The following STXBP3 variants were observed in gnomAD, a reference collection of about 807,000 sequenced individuals.
STXBP3 encodes the protein syntaxin binding protein 3, also known as syntaxin-binding protein 3.
A neutral mutation model predicts 85.7 loss-of-function variants in STXBP3; 41 were observed. The observed-to-expected ratio is 0.48, with a 90% CI of 0.37 to 0.62. The LOEUF (loss-of-function observed/expected upper bound fraction) is 0.62, where lower values mean the gene tolerates loss of function less well. Ranked by LOEUF, STXBP3 falls within the 20% of genes least tolerant of loss-of-function variation. The pLI is 0.00. For missense variants in STXBP3, 563 were observed against 703.1 expected (o/e 0.80, Z 2.25); for synonymous variants, 229 against 231.7 (o/e 0.99, Z 0.10).
At chr1:108,752,957 A>G in intron 2 of STXBP3, 106 bp from the exon 3 acceptor site, 2 of 771,936 alleles carry the variant, frequency 2.6e-6, no homozygotes, top group Non-Finnish European at 3.9e-6. Context: ...TACTGTTCTG[A>G]TATTTTGTGT....
At chr1:108,807,113 A>C (rs546958406) in intron 17 of STXBP3, among the ~76,000 whole-genome samples, 4 of 152,062 alleles carry the variant, frequency 2.6e-5, no homozygotes, top group Admixed American at 6.6e-5. Flanking sequence ...TTAGCTGGGC[A>C]TGGTGGCACA....
intron 11 of STXBP3, among the ~76,000 whole-genome samples, chr1:108,785,478 A>C (rs1662805569): frequency 6.6e-6 from 1 of 152,178 alleles, no homozygotes; most frequent in South Asian, 2.1e-4. Context: ...AGCCTGACCC[A>C]CGAAACCATT....
chr1:108,774,640 C>CTTTTTTTT (rs11290690), intron 7 of STXBP3, among the ~76,000 whole-genome samples: 1 of 92,628 alleles, frequency 1.1e-5, no homozygotes, highest in Non-Finnish European at 2.1e-5. Flanking sequence ...TCTTTCTTTC[C>CTTTTTTTT]TTTTTTTTTT....
chr1:108,792,787 A>G (rs1663004769), intron 11 of STXBP3, among the ~76,000 whole-genome samples: 1 of 152,214 alleles, frequency 6.6e-6, no homozygotes, highest in Non-Finnish European at 1.5e-5. Context: ...TTGCTGAGGA[A>G]TAATCGTGAT....
In STXBP3 at chr1:108,807,471, A is replaced by G; in HGVS notation, c.1606A>G (p.Ile536Val). The G allele has an allele frequency of 3.1e-6, 5 of 1,613,638 alleles. No individual in the cohort carries two copies. The highest frequency in any genetic ancestry group is 4.2e-6 in the Non-Finnish European group (5 of 1,179,902). Residue 536 changes from isoleucine to valine, a missense_variant, in exon 18 of 19, where the codon ATT becomes GTT. Physicochemically the swap from Ile to Val is conservative, Grantham distance 29. Around this residue, in one of 3 missense-constraint regions of STXBP3, gnomAD observed 494 missense variants for 592.8 expected, o/e 0.83. Coordinates refer to ENST00000370008, the MANE Select transcript of STXBP3 (RefSeq NM_007269.4). Reference protein sequence around the residue: ...KNGSKLIVFVIGGITYSEVRC... With the variant: ...KNGSKLIVFVVGGITYSEVRC... ...TGGGTCAAAGCTGATTGTTTTTGTA[A>G]TTGGAGGGATCACATACTCTGAAGT...
intron 11 of STXBP3, among the ~76,000 whole-genome samples, chr1:108,784,879 C>T (rs535963056): frequency 7.2e-5 from 11 of 152,338 alleles, no homozygotes; most frequent in African/African-American, 2.6e-4. Context: ...TCCAATAGGG[C>T]AGTCATTAAA....
At position 108,760,014 on chromosome 1, in the gene STXBP3, A is replaced by T; in HGVS notation, c.367A>T (p.Lys123Ter). 1 of 1,578,504 alleles carries T rather than the reference A, an allele frequency of 6.3e-7. No homozygotes were observed. The highest frequency in any genetic ancestry group is 1.2e-5 in the South Asian group (1 of 83,516). Residue 123 changes from lysine (K) to a stop codon, truncating the protein, a stop_gained, in exon 6 of 19, where the codon AAG becomes TAG. Coordinates refer to ENST00000370008, the MANE Select transcript of STXBP3 (RefSeq NM_007269.4). LOFTEE classifies it high-confidence loss of function. Reference sequence around the variant, plus strand: ...CCCTGATAATCTCTTTAACAAAATTAAGGCTTCTTGCTCCAAGTCAATAAG... The same window carrying T: ...CCCTGATAATCTCTTTAACAAAATTTAGGCTTCTTGCTCCAAGTCAATAAG... Reference protein sequence around the residue: ...FCPDNLFNKIKASCSKSIRRC... With the variant: ...FCPDNLFNKI
At chr1:108,797,231 G>A (rs1327393772) in intron 15 of STXBP3, among the ~76,000 whole-genome samples, 1 of 150,388 alleles carries the variant, frequency 6.6e-6, no homozygotes, top group African/African-American at 2.4e-5. Flanking sequence ...GTGTGTACCT[G>A]TAGTCCCAGC....
rs144454692 is a variant in STXBP3 at position 108,807,606 on chromosome 1, C to T, written c.1684+57C>T. ...TTTTTTTTTTTTTGAGACTAAGTCT[C>T]GGTCTTGTCCCCCAGGCTGGAGTGG... On this transcript the variant is annotated intron_variant, in intron 18 of 18. Transcript: ENST00000370008. 259 of 1,502,814 alleles carry T rather than the reference C, an allele frequency of 1.7e-4. 1 individual carries two copies. The African/African-American group carries it at 3.4e-3, about 20-fold the overall frequency. The allele number at this position is 1,502,814 out of a possible 1,614,324, so 93.1% of individuals were successfully genotyped here.
intron 6 of STXBP3, among the ~76,000 whole-genome samples, chr1:108,765,652 G>A (rs1162012921): frequency 1.6e-5 from 2 of 123,886 alleles, no homozygotes; most frequent in Non-Finnish European, 3.2e-5. Flanking sequence ...TCGTTTCACT[G>A]CAACCTCCAC....
intron 6 of STXBP3, among the ~76,000 whole-genome samples, chr1:108,761,485 A>G (rs912647184): frequency 6.6e-6 from 1 of 152,202 alleles, no homozygotes; most frequent in Non-Finnish European, 1.5e-5. Flanking sequence ...ATTTGAAGGA[A>G]TGATTTGTGT....
rs1408260633 is a variant in STXBP3 at position 108,756,610 on chromosome 1, A to ATTTTCATATTATTAT, written c.182-80_182-79insTTTTCATATTATTAT. On this transcript the variant is annotated intron_variant, in intron 3 of 18. Transcript: ENST00000370008. ...TGTATTTTCATATTATTATAAATGGAAAGTACAGTAAAGTTTATTTAAAAA... is the reference window on the plus strand; with the variant it reads ...TGTATTTTCATATTATTATAAATGGATTTTCATATTATTATAAGTACAGTAAAGTTTATTTAAAAA... The ATTTTCATATTATTAT allele has an allele frequency of 3.0e-5, 21 of 697,150 alleles. No individual in the cohort carries two copies. In the East Asian group the frequency reaches 5.1e-4, roughly 17 times the overall value. 43.2% of individuals were successfully genotyped at this position (697,150 alleles called of 1,614,324 possible).
At chr1:108,782,808 C>G in intron 11 of STXBP3, 102 bp downstream of exon 11, 1 of 1,127,520 alleles carries the variant, frequency 8.9e-7, no homozygotes. Flanking sequence ...TTGGAAAGTT[C>G]TAACATGGAG....
chr1:108,778,551 G>A (rs1373956623), intron 8 of STXBP3, among the ~76,000 whole-genome samples: 9 of 152,074 alleles, frequency 5.9e-5, no homozygotes, highest in Admixed American at 3.9e-4. Flanking sequence ...ATTTCAGACC[G>A]CAATGCCCTC....
At chr1:108,774,260 A>T (rs1662538753) in intron 7 of STXBP3, among the ~76,000 whole-genome samples, 1 of 152,206 alleles carries the variant, frequency 6.6e-6, no homozygotes. Flanking sequence ...TGAAATAAGA[A>T]TGATAATAAT....
At chr1:108,749,206 G>T (rs1485889341) in intron 1 of STXBP3, among the ~76,000 whole-genome samples, 1 of 152,160 alleles carries the variant, frequency 6.6e-6, no homozygotes, top group African/African-American at 2.4e-5. Context: ...CCTAATAGGT[G>T]GGCGTGGGGA....
chr1:108,758,662 C>T, intron 5 of STXBP3, 74 bp downstream of exon 5: 1 of 781,988 alleles, frequency 1.3e-6, no homozygotes, highest in East Asian at 2.9e-5. Context: ...TTTTAAAAAT[C>T]AGCCCAAAAT....
chr1:108,748,639 C>T (rs1404356017), intron 1 of STXBP3, among the ~76,000 whole-genome samples: 2 of 152,224 alleles, frequency 1.3e-5, no homozygotes, highest in East Asian at 3.9e-4. Flanking sequence ...CGAGACCAGC[C>T]TGAGCAACAT....
chr1:108,758,721 T>G (rs532140305), intron 5 of STXBP3, 133 bp downstream of exon 5: 84 of 408,004 alleles, frequency 2.1e-4, no homozygotes, highest in Non-Finnish European at 3.2e-4. Flanking sequence ...CCTGGTGATT[T>G]TCTATTTATC....
Sources: gnomAD v4.1 joint callset for allele counts (sites outside exome capture counted in the v4.1 genomes callset) on GRCh38, gnomAD v4.1.1 for gene constraint, gnomAD v4.1.1 regional missense constraint, MANE v1.5 for transcripts, NCBI Gene and HGNC (gene_info 2026-07-23, HGNC 2026-07-21) for gene names.